CACNA2D3: variants seen among roughly 807,000 people sequenced by gnomAD.
CACNA2D3 encodes the protein calcium voltage-gated channel auxiliary subunit alpha2delta 3.
A neutral mutation model predicts 160.6 loss-of-function variants in CACNA2D3; 60 were observed. The ratio of observed to expected loss-of-function variants is 0.37; its 90% CI spans 0.30 to 0.46. The LOEUF (loss-of-function observed/expected upper bound fraction) is 0.46. Ranked by LOEUF, CACNA2D3 falls within the 20% of genes least tolerant of loss-of-function variation. The pLI is 1.00. For synonymous variants in CACNA2D3, 558 were observed against 492.9 expected (o/e 1.13, Z -1.75); for missense variants, 1,205 against 1,365.0 (o/e 0.88, Z 1.85).
chr3:54,480,788 A>T (rs1035373727), intron 4 of CACNA2D3, among the ~76,000 whole-genome samples: 2 of 152,016 alleles, frequency 1.3e-5, no homozygotes, highest in South Asian at 2.1e-4. Context: ...GCCTGGGAAG[A>T]CTCCAGAATC....
At chr3:54,737,874 C>T (rs985040673) in intron 11 of CACNA2D3, among the ~76,000 whole-genome samples, 3 of 152,268 alleles carry the variant, frequency 2.0e-5, no homozygotes, top group East Asian at 3.9e-4. Context: ...CCATGTTGGC[C>T]GGGCTTGTTT....
chr3:54,196,446 CTTGAG>C (rs1701083088), intron 2 of CACNA2D3, among the ~76,000 whole-genome samples: 1 of 152,160 alleles, frequency 6.6e-6, no homozygotes, highest in South Asian at 2.1e-4. Flanking sequence ...TAAGTTAAAA[CTTGAG>C]TCTGGAAAGC....
intron 2 of CACNA2D3, among the ~76,000 whole-genome samples, chr3:54,315,417 A>G (rs1014227080): frequency 6.6e-6 from 1 of 152,148 alleles, no homozygotes; most frequent in African/African-American, 2.4e-5. Flanking sequence ...TGGTTTTGGT[A>G]TTTGCCTCTC....
At chr3:54,526,840 G>A (rs554824343) in intron 5 of CACNA2D3, among the ~76,000 whole-genome samples, 27 of 152,200 alleles carry the variant, frequency 1.8e-4, no homozygotes, top group African/African-American at 2.4e-4. Context: ...ACAAGTACCC[G>A]TCACCACGCC....
At chr3:54,794,984 ATTTG>A (rs1296071615) in intron 13 of CACNA2D3, among the ~76,000 whole-genome samples, 5 of 151,938 alleles carry the variant, frequency 3.3e-5, no homozygotes, top group Non-Finnish European at 4.4e-5. Flanking sequence ...CAGATATTTT[ATTTG>A]TTCTGCACTG....
At chr3:54,127,760 T>C (rs936339002) in intron 2 of CACNA2D3, among the ~76,000 whole-genome samples, 21 of 152,336 alleles carry the variant, frequency 1.4e-4, no homozygotes, top group African/African-American at 4.3e-4. Flanking sequence ...GGGCAGTTTA[T>C]TGGTCTCATT....
Position 54,320,488 on chromosome 3 carries a change from G to T in CACNA2D3, c.251G>T (p.Gly84Val). The change falls in exon 3 of 38, where the codon GGC (glycine) becomes GTC (valine). Residue 84 changes from glycine to valine, a missense_variant. By Grantham distance (109) the Gly-to-Val change is moderately radical. Coordinates refer to ENST00000474759, the MANE Select transcript of CACNA2D3 (RefSeq NM_018398.3). The stretch of plus-strand genomic sequence containing the variant: ...GACGTTGCCATAGAAGAAATTGATG[G>T]CCTCCAACTGGTAAAGAAGCTGGCA... ...EKDVAIEEID[G>V]LQLVKKLAKN... 1 of 1,568,400 alleles carries T rather than the reference G, an allele frequency of 6.4e-7. No homozygotes were observed. Among genetic ancestry groups the T allele is most frequent in the South Asian group, 1.2e-5 (1 of 84,776 alleles).
chr3:54,220,165 T>C (rs1183054893), intron 2 of CACNA2D3, among the ~76,000 whole-genome samples: 1 of 152,156 alleles, frequency 6.6e-6, no homozygotes, highest in Non-Finnish European at 1.5e-5. Flanking sequence ...AATTGTTTCT[T>C]GGTGGGTCCT....
chr3:54,675,807 A>T (rs1265985532), intron 11 of CACNA2D3, among the ~76,000 whole-genome samples: 4 of 152,150 alleles, frequency 2.6e-5, no homozygotes, highest in Non-Finnish European at 5.9e-5. Flanking sequence ...AAAGGCTCTG[A>T]GAGACCTACA....
intron 35 of CACNA2D3, among the ~76,000 whole-genome samples, chr3:55,030,730 A>G (rs1331132690): frequency 6.6e-6 from 1 of 152,188 alleles, no homozygotes; most frequent in Non-Finnish European, 1.5e-5. Context: ...TCAGATGCTC[A>G]GAGGAAAAAG....
intron 11 of CACNA2D3, among the ~76,000 whole-genome samples, chr3:54,745,218 G>A (rs998933518): frequency 6.6e-6 from 1 of 152,192 alleles, no homozygotes; most frequent in Admixed American, 6.5e-5. Context: ...GGAAGAAAGA[G>A]GGAAAGCAGG....
chr3:54,548,612 C>T (rs1161644450), intron 5 of CACNA2D3, among the ~76,000 whole-genome samples: 1 of 152,198 alleles, frequency 6.6e-6, no homozygotes, highest in African/African-American at 2.4e-5. Flanking sequence ...CACCTTCTTC[C>T]TCACCCCACC....
chr3:54,230,737 T>C (rs1701752873), intron 2 of CACNA2D3, among the ~76,000 whole-genome samples: 1 of 152,200 alleles, frequency 6.6e-6, no homozygotes, highest in South Asian at 2.1e-4. Flanking sequence ...TGCCAAGGAA[T>C]CTAGATATGA....
intron 2 of CACNA2D3, among the ~76,000 whole-genome samples, chr3:54,178,123 G>A (rs891256910): frequency 7.9e-5 from 12 of 152,104 alleles, no homozygotes; most frequent in Admixed American, 7.2e-4. Flanking sequence ...GAGCTTCCTT[G>A]CAGAGAGGAG....
intron 21 of CACNA2D3, among the ~76,000 whole-genome samples, chr3:54,882,322 G>C (rs546950777): frequency 6.6e-6 from 1 of 152,286 alleles, no homozygotes; most frequent in East Asian, 1.9e-4. Context: ...TGCCTCTCAT[G>C]CGTCTGCTCC....
At chr3:54,159,075 C>G (rs888195020) in intron 2 of CACNA2D3, among the ~76,000 whole-genome samples, 18 of 152,158 alleles carry the variant, frequency 1.2e-4, no homozygotes, top group African/African-American at 4.3e-4. Context: ...TTTAAATCAT[C>G]CTTTTGAATC....
At chr3:54,443,389 C>T (rs1700173126) in intron 4 of CACNA2D3, among the ~76,000 whole-genome samples, 1 of 152,134 alleles carries the variant, frequency 6.6e-6, no homozygotes, top group Non-Finnish European at 1.5e-5. Flanking sequence ...TAGGCAGCGT[C>T]TTAGATTGTG....
At chr3:54,647,799 A>G (rs1156536670) in intron 11 of CACNA2D3, among the ~76,000 whole-genome samples, 3 of 152,262 alleles carry the variant, frequency 2.0e-5, no homozygotes, top group Non-Finnish European at 2.9e-5. Context: ...AGGCAGCATC[A>G]TGATTGCTTA....
chr3:54,744,312 A>G (rs1037893903), intron 11 of CACNA2D3, among the ~76,000 whole-genome samples: 6 of 152,206 alleles, frequency 3.9e-5, no homozygotes, highest in Admixed American at 2.6e-4. Flanking sequence ...TTATAGTGCA[A>G]AATACAAGAG....
Sources: gnomAD v4.1 joint callset for allele counts (sites outside exome capture counted in the v4.1 genomes callset) on GRCh38, gnomAD v4.1.1 for gene constraint, MANE v1.5 for transcripts, NCBI Gene and HGNC (gene_info 2026-07-23, HGNC 2026-07-21) for gene names.